Variants in TANC1 observed in about 807,000 individuals in gnomAD.
TANC1 encodes tetratricopeptide repeat, ankyrin repeat and coiled-coil containing 1, also known as protein TANC1.
TANC1 carries 77 observed loss-of-function variants against 149.7 expected under a neutral mutation model. That is an observed-to-expected ratio of 0.51 (90% CI 0.43 to 0.62). The LOEUF is 0.62. Among genes scored for constraint, TANC1 ranks in the 20% least tolerant of loss-of-function variants. The pLI is 0.00. For synonymous variants in TANC1, 854 were observed against 925.0 expected, an observed-to-expected ratio of 0.92 and a Z score of 1.39; for missense variants, 1,985 against 2,321.8, an observed-to-expected ratio of 0.85 and a Z score of 2.98.
chr2:159,128,234 G>T (rs2049684839), intron 4 of TANC1, among the ~76,000 whole-genome samples: 1 of 152,112 alleles, frequency 6.6e-6, no homozygotes. Flanking sequence ...TTCATACAAG[G>T]CCCCAGGCCC....
At position 159,155,676 on chromosome 2, in the gene TANC1, A is replaced by G. The variant is rs78701148; in HGVS notation, c.682+5120A>G. On this transcript the variant is annotated intron_variant, in intron 7 of 26. Transcript: ENST00000263635. ...GTGCTCAGAATTCAAGCTCTTCTGA[A>G]TGCCTTTCCTTTGCTTTCCTCATGC... is the stretch of plus-strand genomic sequence containing the variant. Among the ~76,000 whole-genome samples, 682 of 152,292 alleles carry G rather than the reference A, an allele frequency of 4.5e-3. 9 individuals carry two copies. Among genetic ancestry groups the G allele is most frequent in the African/African-American group, 0.016 (658 of 41,564 alleles).
chr2:159,034,857 C>T (rs557249166), intron 2 of TANC1, among the ~76,000 whole-genome samples: 1 of 152,338 alleles, frequency 6.6e-6, no homozygotes, highest in East Asian at 1.9e-4. Flanking sequence ...TGAACGTCCT[C>T]ACGAACTCAC....
chr2:159,138,248 G>A (rs542548141), intron 5 of TANC1, among the ~76,000 whole-genome samples: 2 of 152,106 alleles, frequency 1.3e-5, no homozygotes, highest in East Asian at 3.9e-4. Context: ...AAGAAGCAGG[G>A]TATGTTTTCA....
chr2:158,976,882 A>G (rs2033743983), intron 1 of TANC1, among the ~76,000 whole-genome samples: 1 of 152,150 alleles, frequency 6.6e-6, no homozygotes, highest in Non-Finnish European at 1.5e-5. Context: ...CTCCGTCTTG[A>G]AAAACAACAA....
rs577053488 is a variant in TANC1 at position 159,149,472 on chromosome 2, C to T, written c.495+200C>T. 1.7e-3 allele frequency: 1,086 copies of T among 656,524 alleles called. 4 individuals carry two copies. The highest frequency in any genetic ancestry group is 2.3e-3 in the Non-Finnish European group (864 of 381,616). 40.7% of individuals were successfully genotyped at this position (656,524 alleles called of 1,614,324 possible). Reference sequence around the variant, plus strand: ...TAGGGAAAAGCAGAAAGAAGCAGAACGTAAGAAAATGTCCACATTAACCTT... The same window carrying T: ...TAGGGAAAAGCAGAAAGAAGCAGAATGTAAGAAAATGTCCACATTAACCTT... On this transcript the variant is annotated intron_variant, in intron 6 of 26. Coordinates refer to ENST00000263635, the MANE Select transcript of TANC1 (RefSeq NM_033394.3).
chr2:159,156,090 T>C (rs1415495848), intron 7 of TANC1, among the ~76,000 whole-genome samples: 1 of 152,236 alleles, frequency 6.6e-6, no homozygotes, highest in Admixed American at 6.5e-5. Context: ...TTTTGACTTG[T>C]TGTAAATCCT....
Position 159,224,399 on chromosome 2 carries a change from C to T in TANC1, c.3811+35C>T, listed in dbSNP as rs141430855. Reference sequence around the variant, plus strand: ...CACTGCCTCCATTGAGCAGGAGGAGCGGTGAGCTCCCGATTGTAGAAGCCT... The same window carrying T: ...CACTGCCTCCATTGAGCAGGAGGAGTGGTGAGCTCCCGATTGTAGAAGCCT... On this transcript the variant is annotated intron_variant, in intron 23 of 26. Coordinates refer to ENST00000263635, the MANE Select transcript of TANC1 (RefSeq NM_033394.3). 2.8e-4 allele frequency: 452 copies of T among 1,613,154 alleles called. 1 individual carries two copies. In the African/African-American group the frequency reaches 5.2e-3, roughly 18 times the overall value.
chr2:159,122,272 T>C (rs1371463547), intron 4 of TANC1, among the ~76,000 whole-genome samples: 1 of 152,136 alleles, frequency 6.6e-6, no homozygotes, highest in African/African-American at 2.4e-5. Context: ...AGGGCTTTCT[T>C]ACAGAGGTGG....
chr2:159,136,035 T>TGC lies in TANC1; in HGVS notation c.260-158_260-157insCG, dbSNP rs1553568323. On this transcript the variant is annotated intron_variant, in intron 4 of 26. Coordinates refer to ENST00000263635, the MANE Select transcript of TANC1 (RefSeq NM_033394.3). ...GTGTGTGTGTGTGTGTGTGTGTGTG[T>TGC]GTGTGTGTGTGTGTGCGCGCGCGCG... Among the ~76,000 whole-genome samples, 138 of 66,234 alleles carry TGC rather than the reference T, an allele frequency of 2.1e-3. 2 individuals are homozygous for TGC. The highest frequency in any genetic ancestry group is 4.8e-3 in the African/African-American group (121 of 25,166). The allele number at this position is 66,234 out of a possible 152,430, so 43.5% of individuals were successfully genotyped here.
At chr2:159,152,007 A>G (rs571095998) in intron 7 of TANC1, among the ~76,000 whole-genome samples, 4 of 152,044 alleles carry the variant, frequency 2.6e-5, no homozygotes, top group Admixed American at 6.5e-5. Flanking sequence ...TCCTACTCCA[A>G]GCTCCCCAGT....
At chr2:159,038,260 C>T (rs554486430) in intron 2 of TANC1, among the ~76,000 whole-genome samples, 79 of 152,268 alleles carry the variant, frequency 5.2e-4, no homozygotes, top group Admixed American at 2.7e-3. Flanking sequence ...TGGGCTGAGA[C>T]GATGGGGTTT....
At chr2:159,127,355 G>T (rs770695683) in intron 4 of TANC1, among the ~76,000 whole-genome samples, 3 of 152,192 alleles carry the variant, frequency 2.0e-5, no homozygotes, top group Non-Finnish European at 2.9e-5. Flanking sequence ...CTTTTACACT[G>T]TTCCTGGGAA....
chr2:159,167,664 G>A (rs942491437), intron 8 of TANC1, among the ~76,000 whole-genome samples: 1 of 152,152 alleles, frequency 6.6e-6, no homozygotes, highest in South Asian at 2.1e-4. Context: ...GGTGTTTCTT[G>A]CTCGCTGGGA....
At chr2:159,229,310 C>G (rs1001488446) in intron 26 of TANC1, among the ~76,000 whole-genome samples, 1 of 152,020 alleles carries the variant, frequency 6.6e-6, no homozygotes, top group East Asian at 1.9e-4. Flanking sequence ...GATTCTGGCG[C>G]CCACTGATTC....
At chr2:159,127,027 T>C (rs2049520914) in intron 4 of TANC1, among the ~76,000 whole-genome samples, 1 of 152,266 alleles carries the variant, frequency 6.6e-6, no homozygotes, top group African/African-American at 2.4e-5. Flanking sequence ...TAGGAGCTTA[T>C]TGTACTCATG....
chr2:159,176,226 G>C (rs2055841820), intron 12 of TANC1, 126 bp from the exon 13 acceptor site: 1 of 527,178 alleles, frequency 1.9e-6, no homozygotes, highest in East Asian at 3.4e-5. Context: ...TGTGAAAACT[G>C]TTTCTTGTGC....
At chr2:159,086,773 C>A (rs546812491) in intron 3 of TANC1, among the ~76,000 whole-genome samples, 1 of 152,260 alleles carries the variant, frequency 6.6e-6, no homozygotes, top group East Asian at 1.9e-4. Context: ...TTCAAAATAA[C>A]CACCATCATC....
At chr2:159,073,687 TTA>T (rs1460219223) in intron 3 of TANC1, among the ~76,000 whole-genome samples, 2 of 152,236 alleles carry the variant, frequency 1.3e-5, no homozygotes, top group African/African-American at 4.8e-5. Context: ...TTGTACAGAC[TTA>T]GTTTTCAGAA....
intron 9 of TANC1, 132 bp downstream of exon 9, chr2:159,169,504 T>C (rs1559383569): frequency 1.1e-6 from 1 of 951,672 alleles, no homozygotes; most frequent in Non-Finnish European, 1.6e-6. Flanking sequence ...GCTAAAAGCA[T>C]ATCTGTGAGG....
Sources: allele counts gnomAD v4.1 joint callset (sites outside exome capture counted in the v4.1 genomes callset), GRCh38; gene constraint gnomAD v4.1.1; transcripts MANE v1.5; gene names NCBI Gene and HGNC (gene_info 2026-07-23, HGNC 2026-07-21).